The following LARGE1 variants were observed in gnomAD, a reference collection of about 807,000 sequenced individuals.
LARGE1 encodes LARGE xylosyl- and glucuronyltransferase 1.
In LARGE1, 43 loss-of-function variants were observed where a neutral mutation model predicts 87.6. The observed-to-expected ratio is 0.49, with a 90% CI of 0.38 to 0.63. The LOEUF is 0.63. Ranked by LOEUF, LARGE1 falls within the 30% of genes least tolerant of loss-of-function variation. The pLI is 0.00. For missense variants in LARGE1, 802 were observed against 1,000.2 expected (o/e 0.80, Z 2.67); for synonymous variants, 434 against 394.6 (o/e 1.10, Z -1.18).
chr22:33,764,802 G>A (rs2283945), intron 1 of LARGE1, among the ~76,000 whole-genome samples: 43,092 of 152,072 alleles, frequency 0.28, 6,431 homozygotes, highest in South Asian at 0.41. Flanking sequence ...AAAAAATACC[G>A]AAGGCAATGT....
chr22:33,644,425 G>A (rs977375839), intron 3 of LARGE1, among the ~76,000 whole-genome samples: 4 of 152,100 alleles, frequency 2.6e-5, no homozygotes, highest in African/African-American at 9.7e-5. Flanking sequence ...AATAACAAGA[G>A]CTATTTATGA....
intron 1 of LARGE1, among the ~76,000 whole-genome samples, chr22:33,851,178 C>T (rs1182282026): frequency 1.3e-5 from 2 of 152,220 alleles, no homozygotes; most frequent in Non-Finnish European, 2.9e-5. Flanking sequence ...ATTACTGACC[C>T]TGTTTTTTAC....
At chr22:33,675,908 T>A (rs1435074137) in intron 2 of LARGE1, among the ~76,000 whole-genome samples, 2 of 145,390 alleles carry the variant, frequency 1.4e-5, no homozygotes, top group Non-Finnish European at 2.9e-5. Context: ...GTCATTCAGC[T>A]GGTAAGTGAA....
At chr22:33,289,822 C>A (rs1448655976) in intron 12 of LARGE1, among the ~76,000 whole-genome samples, 1 of 152,146 alleles carries the variant, frequency 6.6e-6, no homozygotes, top group Admixed American at 6.6e-5. Flanking sequence ...CAAAGCCCCC[C>A]ACAGCCTCCT....
chr22:33,448,546 T>G (rs1446085202), intron 6 of LARGE1, among the ~76,000 whole-genome samples: 1 of 152,230 alleles, frequency 6.6e-6, no homozygotes, highest in East Asian at 1.9e-4. Context: ...CTGCTCTCTG[T>G]CCAGCCCTGT....
At chr22:33,319,880 T>C (rs902452843) in intron 10 of LARGE1, among the ~76,000 whole-genome samples, 2 of 152,190 alleles carry the variant, frequency 1.3e-5, no homozygotes, top group Admixed American at 6.5e-5. Flanking sequence ...GACAGCCCTG[T>C]GATGCTCCAA....
intron 6 of LARGE1, among the ~76,000 whole-genome samples, chr22:33,446,408 G>T (rs997535629): frequency 1.3e-5 from 2 of 152,158 alleles, no homozygotes; most frequent in African/African-American, 4.8e-5. Context: ...TGCAGCCTGG[G>T]GCCCCACTAT....
chr22:33,368,951 A>G (rs2064701763), intron 9 of LARGE1, among the ~76,000 whole-genome samples: 1 of 152,084 alleles, frequency 6.6e-6, no homozygotes, highest in Non-Finnish European at 1.5e-5. Flanking sequence ...CTTGGTGTTG[A>G]TGGCTGCTGA....
chr22:33,726,111 T>C (rs1456192451), intron 2 of LARGE1: 2 of 150,926 alleles, frequency 1.3e-5, no homozygotes, highest in African/African-American at 2.4e-5. Context: ...TTTTTTTTTT[T>C]CCAGTTGAGG....
In LARGE1 at chr22:33,817,370, G is replaced by T. The variant is rs553134135; in HGVS notation, c.-82-55812C>A. Among the ~76,000 whole-genome samples the T allele has an allele frequency of 5.0e-3, 756 of 152,208 alleles. 6 individuals carry two copies. Among genetic ancestry groups the T allele is most frequent in the African/African-American group, 0.017 (699 of 41,540 alleles). The stretch of plus-strand genomic sequence containing the variant: ...ATATATATAAATTCATTTAATGCTT[G>T]AAATAGCTCTATGAGGGAGTCAGTA... On this transcript the variant is annotated intron_variant, in intron 1 of 14. Transcript: ENST00000397394.
chr22:33,605,803 C>T (rs1295136673), intron 4 of LARGE1, among the ~76,000 whole-genome samples: 3 of 152,120 alleles, frequency 2.0e-5, no homozygotes, highest in African/African-American at 4.8e-5. Flanking sequence ...GACAGACGAG[C>T]GCAGTTAAAT....
chr22:33,271,868 CCT>C (rs535240036), downstream of LARGE1, among the ~76,000 whole-genome samples: 77 of 152,312 alleles, frequency 5.1e-4, no homozygotes, highest in African/African-American at 1.8e-3. Context: ...GTGTAAGGCA[CCT>C]GTCTTTGGGG....
chr22:33,471,029 C>CTTTTTTT (rs372332553), intron 6 of LARGE1, among the ~76,000 whole-genome samples: 1 of 129,746 alleles, frequency 7.7e-6, no homozygotes, highest in South Asian at 2.5e-4. Flanking sequence ...TCTTCTTCTT[C>CTTTTTTT]TTTTTTTTTT....
At chr22:33,704,783 G>A (rs528371866) in intron 2 of LARGE1, 1 of 152,392 alleles carries the variant, frequency 6.6e-6, no homozygotes. Flanking sequence ...TATGTCCTTG[G>A]CCGAATGTTG....
At chr22:33,909,782 C>T (rs2065574980) in intron 1 of LARGE1, among the ~76,000 whole-genome samples, 1 of 152,172 alleles carries the variant, frequency 6.6e-6, no homozygotes, top group African/African-American at 2.4e-5. Context: ...TCATGATTCG[C>T]CCGCCTCAGC....
chr22:33,074,685 A>T, the LARGE1 span, among the ~76,000 whole-genome samples: 1 of 152,146 alleles, frequency 6.6e-6, no homozygotes, highest in East Asian at 1.9e-4. Flanking sequence ...AGAAACAAAC[A>T]AACTAACAAA....
intron 10 of LARGE1, among the ~76,000 whole-genome samples, chr22:33,321,625 T>A (rs1277556206): frequency 6.6e-6 from 1 of 152,158 alleles, no homozygotes; most frequent in African/African-American, 2.4e-5. Context: ...GGCTTCCAGT[T>A]CAATGAAGAG....
intron 1 of LARGE1, among the ~76,000 whole-genome samples, chr22:33,803,313 T>C (rs1206641576): frequency 6.6e-6 from 1 of 152,152 alleles, no homozygotes; most frequent in Non-Finnish European, 1.5e-5. Flanking sequence ...TTGCCTGATA[T>C]CTGGAAATGT....
chr22:33,091,124 C>A, the LARGE1 span, among the ~76,000 whole-genome samples: 1 of 152,186 alleles, frequency 6.6e-6, no homozygotes, highest in Non-Finnish European at 1.5e-5. Flanking sequence ...GCAAGCCGAT[C>A]AACTCCAGTT....
Sources: gnomAD v4.1 joint callset for allele counts (sites outside exome capture counted in the v4.1 genomes callset) on GRCh38, gnomAD v4.1.1 for gene constraint, MANE v1.5 for transcripts, NCBI Gene and HGNC (gene_info 2026-07-23, HGNC 2026-07-21) for gene names.